Variants in ZNF75D observed in about 807,000 individuals in gnomAD.
ZNF75D encodes the protein zinc finger protein 75D.
Under a neutral mutation model 33.3 loss-of-function variants are expected in ZNF75D, and 33 were observed. That is an observed-to-expected ratio of 0.99 (90% CI 0.75 to 1.32). ZNF75D has a LOEUF of 1.32. Ranked by LOEUF, ZNF75D falls within the 40% of genes most tolerant of loss-of-function variation. ZNF75D has a pLI of 0.00. For synonymous variants in ZNF75D, 113 were observed against 130.6 expected, an observed-to-expected ratio of 0.87 and a Z score of 0.92; for missense variants, 338 against 367.5, an observed-to-expected ratio of 0.92 and a Z score of 0.66.
At position 135,258,555 on chromosome X, in the gene ZNF75D, GC is replaced by G. The variant is rs199669714; in HGVS notation, n.828-2779del. Among the ~76,000 whole-genome samples the G allele has an allele frequency of 7.2e-3, 806 of 111,965 alleles. 6 individuals are homozygous for G. The highest frequency in any genetic ancestry group is 0.025 in the African/African-American group (759 of 30,838). ...TTTCTCTGATGACCAATGATGAGGA[GC>G]TTTTTTTCATGTCCCTGTTGGCTGC... is the stretch of plus-strand genomic sequence containing the variant. On this transcript the variant is annotated intron_variant and non_coding_transcript_variant, in intron 1 of 3. Coordinates refer to the ZNF75D transcript ENST00000494295.
rs1030452809 is a variant in ZNF75D at position 135,303,734 on chromosome X, A to G, written c.-390-7695T>C. Among the ~76,000 whole-genome samples the G allele has an allele frequency of 4.4e-5, 5 of 112,910 alleles. No individual in the cohort carries two copies. The South Asian group carries it at 1.8e-3, about 41-fold the overall frequency. On this transcript the variant is annotated intron_variant, in intron 1 of 6. Coordinates refer to ENST00000370766, the MANE Select transcript of ZNF75D (RefSeq NM_007131.5). ...GGCTAGCCAGCTGTGAAGCTGGAGC[A>G]GATTAATGGTTGGTCCCCAGATGCC...
At chrX:135,266,865 C>A (rs1434270981) in intron 1 of ZNF75D, among the ~76,000 whole-genome samples, 2 of 111,707 alleles carry the variant, frequency 1.8e-5, no homozygotes, top group African/African-American at 6.5e-5. Context: ...AAGGGTAGGT[C>A]ACAAAACAAG....
At chrX:135,308,623 C>G (rs2084318785) in intron 1 of ZNF75D, among the ~76,000 whole-genome samples, 1 of 112,150 alleles carries the variant, frequency 8.9e-6, no homozygotes, top group Non-Finnish European at 1.9e-5. Context: ...ATAGAGAACA[C>G]AGTTGGCATC....
intron 1 of ZNF75D, among the ~76,000 whole-genome samples, chrX:135,271,259 G>T (rs183552472): frequency 8.9e-6 from 1 of 112,016 alleles, no homozygotes; most frequent in Admixed American, 9.4e-5. Context: ...ATGTTTTGAA[G>T]AAACAACGGT....
At chrX:135,307,152 T>C (rs1252833393) in intron 1 of ZNF75D, among the ~76,000 whole-genome samples, 2 of 111,871 alleles carry the variant, frequency 1.8e-5, no homozygotes, top group Non-Finnish European at 3.8e-5. Context: ...TCTTTGTTAA[T>C]AAAATACTGA....
At chrX:135,329,502 G>A (rs1300177609) in intron 1 of ZNF75D, among the ~76,000 whole-genome samples, 2 of 111,828 alleles carry the variant, frequency 1.8e-5, no homozygotes, top group African/African-American at 6.5e-5. Context: ...GTTCTCAAAC[G>A]CCTGAGCCCA....
chrX:135,272,231 A>G (rs2083885651), intron 1 of ZNF75D, among the ~76,000 whole-genome samples: 1 of 102,451 alleles, frequency 9.8e-6, no homozygotes, highest in Non-Finnish European at 2.0e-5. Flanking sequence ...TACTTCCTGC[A>G]TAGGTATTAC....
At chrX:135,263,319 C>A (rs1169154067) in intron 1 of ZNF75D, among the ~76,000 whole-genome samples, 1 of 112,773 alleles carries the variant, frequency 8.9e-6, no homozygotes, top group Non-Finnish European at 1.9e-5. Context: ...AGCTCAAACA[C>A]TGTGCTGGGA....
chrX:135,293,617 A>G, intron 3 of ZNF75D, 113 bp downstream of exon 3: 5 of 742,566 alleles, frequency 6.7e-6, no homozygotes, highest in Non-Finnish European at 9.7e-6. Flanking sequence ...TAGCTGTCCT[A>G]AAGGAGCAAC....
chrX:135,265,404 T>C (rs892757760), intron 1 of ZNF75D, among the ~76,000 whole-genome samples: 10 of 110,786 alleles, frequency 9.0e-5, no homozygotes, highest in African/African-American at 2.3e-4. Flanking sequence ...CCTCAAAGCA[T>C]TTAATAATCA....
chrX:135,309,771 T>A (rs1556427053), intron 1 of ZNF75D: 1 of 287,540 alleles, frequency 3.5e-6, no homozygotes, highest in East Asian at 4.9e-5. Flanking sequence ...ACTCCTCCCA[T>A]GTTTGAGCCA....
chrX:135,307,614 T>C (rs1328612138), intron 1 of ZNF75D, among the ~76,000 whole-genome samples: 1 of 111,553 alleles, frequency 9.0e-6, no homozygotes, highest in Non-Finnish European at 1.9e-5. Context: ...ACTAGTCTAG[T>C]TTTAGCATAA....
chrX:135,282,341 C>A (rs782676943), downstream of ZNF75D, among the ~76,000 whole-genome samples: 1 of 111,680 alleles, frequency 9.0e-6, no homozygotes, highest in South Asian at 3.8e-4. Context: ...GCCCCTCCCC[C>A]CATCAAGCTC....
chrX:135,315,556 G>C (rs968087681), intron 1 of ZNF75D, among the ~76,000 whole-genome samples: 1 of 111,910 alleles, frequency 8.9e-6, no homozygotes, highest in Non-Finnish European at 1.9e-5. Flanking sequence ...CATAATTACT[G>C]TATTAGAGTC....
At chrX:135,259,711 T>A (rs1162254548) in intron 1 of ZNF75D, among the ~76,000 whole-genome samples, 3 of 112,101 alleles carry the variant, frequency 2.7e-5, no homozygotes, top group Non-Finnish European at 5.6e-5. Context: ...GATGGGGTTT[T>A]CTAAATATAC....
chrX:135,316,480 A>T (rs908688940), intron 1 of ZNF75D, among the ~76,000 whole-genome samples: 13 of 111,474 alleles, frequency 1.2e-4, no homozygotes, highest in Non-Finnish European at 2.1e-4. Context: ...CATGGGGAAG[A>T]TCTTTTTGCA....
chrX:135,315,376 G>A (rs187840417), intron 1 of ZNF75D, among the ~76,000 whole-genome samples: 2 of 112,003 alleles, frequency 1.8e-5, no homozygotes, highest in East Asian at 5.6e-4. Context: ...CTCTATCCTG[G>A]AGAATGTTCC....
chrX:135,317,971 G>T (rs557347379), intron 1 of ZNF75D, among the ~76,000 whole-genome samples: 1 of 109,589 alleles, frequency 9.1e-6, no homozygotes, highest in South Asian at 4.0e-4. Context: ...GTCGGTAGGT[G>T]GGGAGTGCAC....
At chrX:135,307,903 CA>C (rs1201197774) in intron 1 of ZNF75D, among the ~76,000 whole-genome samples, 1 of 112,869 alleles carries the variant, frequency 8.9e-6, no homozygotes, top group Non-Finnish European at 1.9e-5. Flanking sequence ...ACATGGCAGA[CA>C]AAGTCGCTGA....
Sources: allele counts gnomAD v4.1 joint callset (sites outside exome capture counted in the v4.1 genomes callset), GRCh38; gene constraint gnomAD v4.1.1; transcripts MANE v1.5; gene names NCBI Gene and HGNC (gene_info 2026-07-23, HGNC 2026-07-21).